The following SHANK2 variants were observed in gnomAD, a reference collection of about 807,000 sequenced individuals.
SHANK2 encodes SH3 and multiple ankyrin repeat domains 2.
Under a neutral mutation model 133.7 loss-of-function variants are expected in SHANK2, and 43 were observed. That is an observed-to-expected ratio of 0.32 (90% CI 0.25 to 0.41). The LOEUF is 0.41. Among genes scored for constraint, SHANK2 ranks in the 10% least tolerant of loss-of-function variants. The pLI is 1.00. For missense variants in SHANK2, 1,994 were observed against 2,235.8 expected (o/e 0.89, Z 2.18); for synonymous variants, 1,017 against 952.8 (o/e 1.07, Z -1.24).
At chr11:70,928,018 C>T (rs181763258) in intron 10 of SHANK2, among the ~76,000 whole-genome samples, 36 of 152,248 alleles carry the variant, frequency 2.4e-4, no homozygotes, top group South Asian at 1.5e-3. Flanking sequence ...TAATCACATG[C>T]GCCAATTCCT....
chr11:70,878,962 AG>A (rs1210846672), intron 11 of SHANK2, among the ~76,000 whole-genome samples: 2 of 152,120 alleles, frequency 1.3e-5, no homozygotes, highest in East Asian at 1.9e-4. Context: ...TCTCTCCCCC[AG>A]GGGACATCCT....
intron 6 of SHANK2, among the ~76,000 whole-genome samples, chr11:71,107,130 G>A (rs1314519882): frequency 6.6e-6 from 1 of 152,106 alleles, no homozygotes; most frequent in Non-Finnish European, 1.5e-5. Context: ...AAAAGAAAGG[G>A]GAGTGGAGGG....
At chr11:70,701,162 G>A (rs1333867110) in intron 14 of SHANK2, among the ~76,000 whole-genome samples, 3 of 150,910 alleles carry the variant, frequency 2.0e-5, no homozygotes, top group Non-Finnish European at 4.4e-5. Flanking sequence ...GCGTGTGTGT[G>A]TACGCGTGTG....
intron 11 of SHANK2, among the ~76,000 whole-genome samples, chr11:70,823,776 C>A (rs782715208): frequency 1.1e-4 from 16 of 140,672 alleles, no homozygotes; most frequent in South Asian, 7.4e-4. Context: ...ACAGAGGTGG[C>A]GTTGGCAGCA....
intron 17 of SHANK2, among the ~76,000 whole-genome samples, chr11:70,618,081 G>A (rs938616080): frequency 1.3e-5 from 2 of 152,116 alleles, no homozygotes; most frequent in African/African-American, 4.8e-5. Flanking sequence ...TGGATCACTT[G>A]AAGTTAGGAG....
chr11:70,716,996 G>A (rs1405136264), intron 14 of SHANK2, among the ~76,000 whole-genome samples: 1 of 150,926 alleles, frequency 6.6e-6, no homozygotes, highest in African/African-American at 2.4e-5. Flanking sequence ...TACTGGAGAA[G>A]CTGATATAAA....
intron 2 of SHANK2, among the ~76,000 whole-genome samples, chr11:71,163,030 G>A (rs1183498670): frequency 3.6e-5 from 5 of 139,488 alleles, no homozygotes; most frequent in East Asian, 2.1e-4. Flanking sequence ...CCGAGATCGC[G>A]CCACTGCATT....
chr11:70,756,610 T>C (rs35465484), intron 14 of SHANK2, among the ~76,000 whole-genome samples: 5,854 of 152,140 alleles, frequency 0.038, 170 homozygotes, highest in Middle Eastern at 0.078. Context: ...TCCAGGCAGG[T>C]TCCATGGCAT....
intron 10 of SHANK2, among the ~76,000 whole-genome samples, chr11:70,930,739 T>C (rs1231941524): frequency 6.8e-6 from 1 of 147,496 alleles, no homozygotes; most frequent in Non-Finnish European, 1.5e-5. Context: ...GGCACAATCA[T>C]GGCTCACTGC....
In SHANK2 at chr11:70,473,373, G is replaced by C; in HGVS notation, c.5046C>G (p.Pro1682=). Reference sequence around the variant, plus strand: ...GCAGGGTGATGGGCTGGGAGGTGCCGGGGCGAACAGTGAAGGTGACCGTCG... The same window carrying C: ...GCAGGGTGATGGGCTGGGAGGTGCCCGGGCGAACAGTGAAGGTGACCGTCG... ...RSTTVTFTVR[P]GTSQPITLQS... is the part of the protein sequence containing the mutation. The change falls in exon 26 of 26, where the codon CCC becomes CCG. Residue 1682 remains proline (P), a synonymous_variant. Coordinates refer to ENST00000601538, the MANE Select transcript of SHANK2 (RefSeq NM_012309.5). This position sits in a 1 kb window ranked among gnomAD's most constrained non-coding sequence, Gnocchi z 5.9. 2 of 1,611,926 alleles carry C rather than the reference G, an allele frequency of 1.2e-6. No homozygotes were observed. Among genetic ancestry groups the C allele is most frequent in the Non-Finnish European group, 1.7e-6 (2 of 1,180,026 alleles).
chr11:70,494,438 C>T (rs1460360118), intron 21 of SHANK2, among the ~76,000 whole-genome samples: 3 of 152,106 alleles, frequency 2.0e-5, no homozygotes, highest in Admixed American at 6.5e-5. Context: ...GGATTACAGG[C>T]GAGCACCACC....
intron 10 of SHANK2, among the ~76,000 whole-genome samples, chr11:70,898,293 C>CACAG (rs1346560179): frequency 6.7e-6 from 1 of 148,234 alleles, no homozygotes; most frequent in Non-Finnish European, 1.5e-5. Context: ...CACACACACA[C>CACAG]ACACACACAC....
chr11:71,181,832 C>T (rs1187524046), intron 2 of SHANK2, among the ~76,000 whole-genome samples: 1 of 152,040 alleles, frequency 6.6e-6, no homozygotes, highest in Non-Finnish European at 1.5e-5. Flanking sequence ...CCCCCCCTCC[C>T]CCGCCAACCC....
intron 9 of SHANK2, among the ~76,000 whole-genome samples, chr11:71,072,753 G>C (rs1478414377): frequency 1.3e-5 from 2 of 152,238 alleles, no homozygotes; most frequent in African/African-American, 2.4e-5. Flanking sequence ...CCTACAGCGT[G>C]GACAAACCTC....
intron 14 of SHANK2, among the ~76,000 whole-genome samples, chr11:70,713,931 C>G (rs1271097548): frequency 1.3e-5 from 2 of 152,246 alleles, no homozygotes; most frequent in Non-Finnish European, 2.9e-5. Context: ...AAGCTCTGGG[C>G]ACTGCCTTGT....
intron 14 of SHANK2, among the ~76,000 whole-genome samples, chr11:70,744,490 G>C (rs1555035528): frequency 6.6e-6 from 1 of 152,220 alleles, no homozygotes; most frequent in African/African-American, 2.4e-5. Context: ...CTGCCTACGG[G>C]AGGAATGAAT....
At chr11:70,514,273 T>G (rs181511824) in intron 17 of SHANK2, among the ~76,000 whole-genome samples, 2 of 152,230 alleles carry the variant, frequency 1.3e-5, no homozygotes, top group Non-Finnish European at 2.9e-5. Flanking sequence ...CAACTAGAAT[T>G]CCATTTCTGG....
chr11:70,746,993 AC>A (rs1209436086), intron 14 of SHANK2, among the ~76,000 whole-genome samples: 3 of 37,690 alleles, frequency 8.0e-5, no homozygotes, highest in African/African-American at 2.3e-4. Flanking sequence ...CCATCCCTGC[AC>A]CCCCCTACCC....
intron 11 of SHANK2, among the ~76,000 whole-genome samples, chr11:70,878,174 T>A (rs1949600095): frequency 6.6e-6 from 1 of 152,142 alleles, no homozygotes; most frequent in Admixed American, 6.5e-5. Flanking sequence ...GGCTGCCCCA[T>A]CCACATCTCT....
Sources: allele counts gnomAD v4.1 joint callset (sites outside exome capture counted in the v4.1 genomes callset), GRCh38; gene constraint gnomAD v4.1.1; non-coding constraint Gnocchi (gnomAD v3.1); transcripts MANE v1.5; gene names NCBI Gene and HGNC (gene_info 2026-07-23, HGNC 2026-07-21).